Variants in GNAS observed in about 807,000 individuals in gnomAD.
The protein encoded by GNAS is GNAS complex locus.
A neutral mutation model predicts 54.5 loss-of-function variants in GNAS; 8 were observed. That is an observed-to-expected ratio of 0.15 (90% CI 0.09 to 0.26). GNAS has a LOEUF of 0.26. GNAS is among the 10% of genes least tolerant of loss of function. The probability of loss-of-function intolerance (pLI) is 1.00; values close to 1 mark genes in which losing one functional copy is unlikely to be tolerated. For synonymous variants in GNAS, 204 were observed against 191.4 expected (o/e 1.07, Z -0.54); for missense variants, 170 against 529.8 (o/e 0.32, Z 6.67).
intron 1 of GNAS, among the ~76,000 whole-genome samples, chr20:58,877,708 T>C (rs2087920365): frequency 6.6e-6 from 1 of 152,092 alleles, no homozygotes. Context: ...GAGGCTACAG[T>C]CAGCTCAAGC....
At position 58,841,534 on chromosome 20, in the gene GNAS, C is replaced by A; in HGVS notation, c.43+648C>A. On this transcript the variant is annotated intron_variant, in intron 1 of 12. Transcript: ENST00000306090. This position sits in a 1 kb window ranked among gnomAD's most constrained non-coding sequence, Gnocchi z 5.0. Reference sequence around the variant, plus strand: ...CCTCCGCGCCAGTGCCTCCAGCTGCCGTGCGCCAGCCTTGGCCGCCACAGC... The same window carrying A: ...CCTCCGCGCCAGTGCCTCCAGCTGCAGTGCGCCAGCCTTGGCCGCCACAGC... 2 of 995,012 alleles carry A rather than the reference C, an allele frequency of 2.0e-6. No individual in the cohort carries two copies. The highest frequency in any genetic ancestry group is 9.3e-5 in the South Asian group (2 of 21,408). The allele number at this position is 995,012 out of a possible 1,614,324, so 61.6% of individuals were successfully genotyped here.
upstream of GNAS, chr20:58,840,576 A>G: frequency 6.2e-7 from 1 of 1,612,486 alleles, no homozygotes; most frequent in Non-Finnish European, 8.5e-7. The surrounding 1 kb of genome is among the most constrained non-coding windows in gnomAD (Gnocchi z 6.0). Flanking sequence ...ACCTTCGGCC[A>G]GTCCCTCACC....
At chr20:58,885,327 T>C (rs964476818) in intron 1 of GNAS, among the ~76,000 whole-genome samples, 2 of 152,222 alleles carry the variant, frequency 1.3e-5, no homozygotes, top group Non-Finnish European at 2.9e-5. Context: ...GCCATGCTTT[T>C]AAGTAGATGT....
At position 58,909,889 on chromosome 20, in the gene GNAS, T is replaced by C; in HGVS notation, c.840-62T>C. On this transcript the variant is annotated intron_variant, in intron 10 of 12. Transcript: ENST00000371085. The surrounding 1 kb of genome is among the most constrained non-coding windows in gnomAD (Gnocchi z 7.3). Reference sequence around the variant, plus strand: ...TATAGAGAAGAACCCCGTGCAAGCATTCCAGACCCCTGGCCGAAAGCGCGC... The same window carrying C: ...TATAGAGAAGAACCCCGTGCAAGCACTCCAGACCCCTGGCCGAAAGCGCGC... 6.2e-7 allele frequency: 1 copy of C among 1,613,272 alleles called. No homozygotes were observed. The highest frequency in any genetic ancestry group is 8.5e-7 in the Non-Finnish European group (1 of 1,179,686).
chr20:58,891,408 C>A (rs1174521250), upstream of GNAS: 3 of 289,568 alleles, frequency 1.0e-5, no homozygotes, highest in African/African-American at 2.4e-5. Context: ...GCGGCGGCGG[C>A]GGCAGCGGCG....
upstream of GNAS, among the ~76,000 whole-genome samples, chr20:58,886,674 C>G (rs1412195148): frequency 6.6e-6 from 1 of 151,808 alleles, no homozygotes; most frequent in Non-Finnish European, 1.5e-5. Context: ...AAAAAAATCA[C>G]AACTTTTAGG....
rs1481450833 is a variant in GNAS, at chr20:58,905,362, CT to C, written c.433-18del. 7.1e-7 allele frequency: 1 copy of C among 1,404,556 alleles called. No individual in the cohort carries two copies. Among genetic ancestry groups the C allele is most frequent in the African/African-American group, 1.4e-5 (1 of 70,918 alleles). The allele number at this position is 1,404,556 out of a possible 1,614,324, so 87.0% of individuals were successfully genotyped here. A position where few individuals can be genotyped will look rare whatever the true frequency, so the allele number is the denominator to read the frequency against. ...GTTCAAGCTCTTGCCTTTCTCTAAACTTTCTTGTGTTCACTTTCAGGAATTC... is the reference window on the plus strand; with the variant it reads ...GTTCAAGCTCTTGCCTTTCTCTAAACTTCTTGTGTTCACTTTCAGGAATTC... On this transcript the variant is annotated intron_variant, in intron 5 of 12. Coordinates refer to ENST00000371085, the MANE Select transcript of GNAS (RefSeq NM_000516.7).
chr20:58,896,019 C>T (rs766135862), intron 2 of GNAS, among the ~76,000 whole-genome samples: 43 of 152,190 alleles, frequency 2.8e-4, no homozygotes, highest in Non-Finnish European at 4.7e-4. Context: ...CCACAGTCTT[C>T]GGACATCACT....
At chr20:58,902,846 C>T in intron 3 of GNAS, 1 of 152,138 alleles carries the variant, frequency 6.6e-6, no homozygotes, top group Non-Finnish European at 1.4e-5. Context: ...ATTCTCCTGC[C>T]TCAGCCTCCC....
In GNAS at chr20:58,910,725, C is replaced by G. The variant is rs1367734842; in HGVS notation, c.1081C>G (p.Pro361Ala). The G allele has an allele frequency of 6.2e-7, 1 of 1,614,092 alleles. No homozygotes were observed. Among genetic ancestry groups the G allele is most frequent in the Non-Finnish European group, 8.5e-7 (1 of 1,179,966 alleles). The change falls in exon 13 of 13, where the codon CCT (proline) becomes GCT (alanine). Residue 361 changes from proline to alanine, a missense_variant. Physicochemically the swap from Pro to Ala is conservative, Grantham distance 27. Transcript: ENST00000371085. This position sits in a 1 kb window ranked among gnomAD's most constrained non-coding sequence, Gnocchi z 5.8. ...TGGAGATGGGCGTCACTACTGCTAC[C>G]CTCATTTCACCTGCGCTGTGGACAC... is the stretch of plus-strand genomic sequence containing the variant. ...ASGDGRHYCYPHFTCAVDTEN... is the reference protein window; with the variant it reads ...ASGDGRHYCYAHFTCAVDTEN...
At position 58,873,044 on chromosome 20, in the gene GNAS, G is replaced by A. The variant is rs1257062667; in HGVS notation, c.44-22568G>A. 1.3e-5 allele frequency among the ~76,000 whole-genome samples: 2 copies of A among 152,292 alleles called. No homozygotes were observed. The highest frequency in any genetic ancestry group is 3.4e-3 in the Middle Eastern group (1 of 294). On this transcript the variant is annotated intron_variant, in intron 1 of 12. Transcript: ENST00000306090. This position sits in a 1 kb window ranked among gnomAD's most constrained non-coding sequence, Gnocchi z 4.3. The stretch of plus-strand genomic sequence containing the variant: ...GGCGTTAGCCTCATCCCATCAGGAG[G>A]AGTTCAGACTCTCCCCAAGCACCAA...
rs745433225 is a variant in GNAS at position 58,891,706 on chromosome 20, CCCG to C, written c.-3_-1del. On this transcript the variant is annotated 5_prime_UTR_variant, in exon 1 of 13. Transcript: ENST00000371085. ...CGCCGCCGCCGCAGCCCGGCCGCGC[CCCG>C]CCGCCGCCGCCGCCGCCATGGGCTG... The C allele has an allele frequency of 8.0e-4, 827 of 1,039,084 alleles. No homozygotes were observed. Among genetic ancestry groups the C allele is most frequent in the South Asian group, 3.6e-3 (131 of 36,400 alleles). 64.4% of individuals were successfully genotyped at this position (1,039,084 alleles called of 1,614,324 possible). A position where few individuals can be genotyped will look rare whatever the true frequency, so the allele number is the denominator to read the frequency against.
At chr20:58,862,961 T>TG (rs145367603) in intron 1 of GNAS, among the ~76,000 whole-genome samples, 15,575 of 133,336 alleles carry the variant, frequency 0.12, 994 homozygotes, top group African/African-American at 0.19. Context: ...TTATTACACA[T>TG]GAAAAAAAAA....
At chr20:58,899,727 C>T (rs552195360) in intron 3 of GNAS, among the ~76,000 whole-genome samples, 14 of 151,888 alleles carry the variant, frequency 9.2e-5, no homozygotes, top group East Asian at 1.9e-4. Context: ...CAGCCACACG[C>T]GCCGCGCACA....
intron 1 of GNAS, among the ~76,000 whole-genome samples, chr20:58,869,083 C>CTT (rs2087260740): frequency 6.6e-6 from 1 of 152,286 alleles, no homozygotes; most frequent in African/African-American, 2.4e-5. Flanking sequence ...ATCCCGGCAA[C>CTT]TTTTAACGAG....
At chr20:58,908,320 G>T (rs2091216705) in intron 6 of GNAS, among the ~76,000 whole-genome samples, 1 of 152,054 alleles carries the variant, frequency 6.6e-6, no homozygotes, top group Non-Finnish European at 1.5e-5. Flanking sequence ...ACACAAACAA[G>T]ATGCTTTTTT....
chr20:58,841,592 C>T lies in GNAS; in HGVS notation c.43+706C>T. 1 of 1,019,400 alleles carries T rather than the reference C, an allele frequency of 9.8e-7. No individual in the cohort carries two copies. The highest frequency in any genetic ancestry group is 8.7e-5 in the East Asian group (1 of 11,466). The allele number at this position is 1,019,400 out of a possible 1,614,324, so 63.1% of individuals were successfully genotyped here. On this transcript the variant is annotated intron_variant, in intron 1 of 12. Transcript: ENST00000306090. The surrounding 1 kb of genome is among the most constrained non-coding windows in gnomAD (Gnocchi z 5.0). ...CCGTCGCTCGCGGGACAGAGACCGC[C>T]TCAAAGAGCGTGCGCACCTGCCCGC...
chr20:58,850,700 T>G (rs1247146242), intron 1 of GNAS: 2 of 398,926 alleles, frequency 5.0e-6, no homozygotes, highest in Non-Finnish European at 8.8e-6. Context: ...TGGGTTAGCC[T>G]GCCGCCATCA....
intron 1 of GNAS, chr20:58,855,569 C>G (rs1012035333): frequency 2.8e-6 from 2 of 717,836 alleles, no homozygotes; most frequent in African/African-American, 3.5e-5. Context: ...AAAGTGGTGC[C>G]GAGCGACACT....
Sources: gnomAD v4.1 joint callset for allele counts (sites outside exome capture counted in the v4.1 genomes callset) on GRCh38, gnomAD v4.1.1 for gene constraint, Gnocchi (gnomAD v3.1) non-coding constraint, MANE v1.5 for transcripts, NCBI Gene and HGNC (gene_info 2026-07-23, HGNC 2026-07-21) for gene names.